Variants in DOCK1 observed in about 807,000 individuals in gnomAD.
DOCK1 encodes the protein dedicator of cytokinesis protein 1.
Under a neutral mutation model 262.7 loss-of-function variants are expected in DOCK1, and 138 were observed. The ratio of observed to expected loss-of-function variants is 0.53; its 90% confidence interval spans 0.46 to 0.61. The LOEUF is 0.61. Ranked by LOEUF, DOCK1 falls within the 20% of genes least tolerant of loss-of-function variation. The pLI, the probability that DOCK1 is intolerant of heterozygous loss-of-function variation, is 0.00. For synonymous variants in DOCK1, 866 were observed against 867.4 expected (o/e 1.00, Z 0.03); for missense variants, 1,908 against 2,370.7 (o/e 0.80, Z 4.05).
At chr10:127,138,952 G>A (rs1316033179) in intron 27 of DOCK1, among the ~76,000 whole-genome samples, 3 of 152,144 alleles carry the variant, frequency 2.0e-5, no homozygotes, top group African/African-American at 2.4e-5. Context: ...TAGGACCCCC[G>A]GTCCATGCAT....
At chr10:127,008,359 A>C (rs2041184940) in intron 10 of DOCK1, among the ~76,000 whole-genome samples, 2 of 152,186 alleles carry the variant, frequency 1.3e-5, no homozygotes, top group Admixed American at 1.3e-4. Flanking sequence ...TGGTCTCCCA[A>C]AGTGCTGGGA....
chr10:127,273,610 G>T (rs1044983497), intron 29 of DOCK1, among the ~76,000 whole-genome samples: 1 of 152,312 alleles, frequency 6.6e-6, no homozygotes. Flanking sequence ...AGCTGGGTGC[G>T]GTGGCTCACA....
At chr10:127,112,178 A>G (rs748302981) in intron 25 of DOCK1, among the ~76,000 whole-genome samples, 17 of 151,902 alleles carry the variant, frequency 1.1e-4, no homozygotes, top group Non-Finnish European at 1.0e-4. Context: ...TGCCTAGCTA[A>G]TTTCTGTATT....
chr10:127,115,369 G>A (rs781484052), intron 25 of DOCK1, among the ~76,000 whole-genome samples: 1 of 152,192 alleles, frequency 6.6e-6, no homozygotes, highest in Non-Finnish European at 1.5e-5. Flanking sequence ...CTCGCCATGT[G>A]ACTTGACTAC....
chr10:127,211,900 C>G (rs1223624289), intron 27 of DOCK1, among the ~76,000 whole-genome samples: 1 of 152,194 alleles, frequency 6.6e-6, no homozygotes, highest in Admixed American at 6.5e-5. Context: ...CAGCCCACTG[C>G]ATGTTCCGAA....
chr10:127,288,098 C>G (rs1369162014), intron 29 of DOCK1, among the ~76,000 whole-genome samples: 1 of 152,146 alleles, frequency 6.6e-6, no homozygotes, highest in Non-Finnish European at 1.5e-5. Context: ...TGGCATCCTC[C>G]AAGGATGACC....
chr10:127,310,434 G>C (rs2062024842), intron 29 of DOCK1, among the ~76,000 whole-genome samples: 1 of 152,174 alleles, frequency 6.6e-6, no homozygotes, highest in African/African-American at 2.4e-5. Context: ...GCATGGCCGG[G>C]CTTTGTCGCT....
chr10:127,150,221 G>C (rs139217876), intron 27 of DOCK1, among the ~76,000 whole-genome samples: 1 of 152,316 alleles, frequency 6.6e-6, no homozygotes, highest in Non-Finnish European at 1.5e-5. Context: ...AACTCACTGG[G>C]TTCTGAACAC....
intron 45 of DOCK1, among the ~76,000 whole-genome samples, chr10:127,419,041 C>T (rs2068336012): frequency 6.6e-6 from 1 of 152,164 alleles, no homozygotes; most frequent in African/African-American, 2.4e-5. Flanking sequence ...TGGAAGAAGG[C>T]CACGCCTGTG....
Position 127,024,795 on chromosome 10 carries a change from A to C in DOCK1, c.1551+12A>C. 1 of 1,586,498 alleles carries C rather than the reference A, an allele frequency of 6.3e-7. No homozygotes were observed. The highest frequency in any genetic ancestry group is 1.1e-5 in the South Asian group (1 of 87,340). ...TTGAGACTGTTAAGGTATTATTTAC[A>C]TGGTCATTTTATCACATGGCGCTGA... On this transcript the variant is annotated intron_variant, in intron 15 of 51. Transcript: ENST00000623213.
rs898265520 is a variant in DOCK1 at position 126,942,116 on chromosome 10, C to T, written c.47-28586C>T. Among the ~76,000 whole-genome samples, 919 of 152,172 alleles carry T rather than the reference C, an allele frequency of 6.0e-3. 5 individuals carry two copies. Among genetic ancestry groups the T allele is most frequent in the Non-Finnish European group, 0.01 (693 of 67,996 alleles). The stretch of plus-strand genomic sequence containing the variant: ...CTCGGCTCACTGCAAGCTCTGCCTC[C>T]CGGTTTCACACCATTCTCCTGCCTC... On this transcript the variant is annotated intron_variant, in intron 1 of 51. Coordinates refer to ENST00000623213, the MANE Select transcript of DOCK1 (RefSeq NM_001290223.2).
At chr10:127,207,403 A>G (rs979489590) in intron 27 of DOCK1, among the ~76,000 whole-genome samples, 8 of 152,340 alleles carry the variant, frequency 5.3e-5, no homozygotes, top group Admixed American at 2.0e-4. Flanking sequence ...CCAGATAAAC[A>G]GTTCAAATTT....
rs561485430 is a variant in DOCK1, at chr10:127,284,983, A to T, written c.3044+27554A>T. Among the ~76,000 whole-genome samples, 33 of 152,190 alleles carry T rather than the reference A, an allele frequency of 2.2e-4. No individual in the cohort carries two copies. The South Asian group carries it at 4.2e-3, about 19-fold the overall frequency. ...CCTTGTCTCTACAAAAAAAAAATTT[A>T]AAAATTAGCTGGGTGAGGTGGTGTG... is the stretch of plus-strand genomic sequence containing the variant. On this transcript the variant is annotated intron_variant, in intron 29 of 51. Transcript: ENST00000623213.
chr10:127,096,579 G>T (rs998848235), intron 23 of DOCK1, among the ~76,000 whole-genome samples: 9 of 151,858 alleles, frequency 5.9e-5, no homozygotes, highest in Non-Finnish European at 1.3e-4. Context: ...CTTATATAAA[G>T]ATATGCTAAT....
Position 127,278,190 on chromosome 10 carries a change from G to T in DOCK1, c.3044+20761G>T, listed in dbSNP as rs183703654. On this transcript the variant is annotated intron_variant, in intron 29 of 51. Coordinates refer to ENST00000623213, the MANE Select transcript of DOCK1 (RefSeq NM_001290223.2). Reference sequence around the variant, plus strand: ...GTATATTCTCACTGGCCAGTGTCCAGTGTAAGCAAATTTGCACATGGCTGT... The same window carrying T: ...GTATATTCTCACTGGCCAGTGTCCATTGTAAGCAAATTTGCACATGGCTGT... Among the ~76,000 whole-genome samples, 315 of 152,216 alleles carry T rather than the reference G, an allele frequency of 2.1e-3. 3 individuals carry two copies. The highest frequency in any genetic ancestry group is 1.1e-3 in the Non-Finnish European group (77 of 68,016).
intron 35 of DOCK1, among the ~76,000 whole-genome samples, chr10:127,378,918 C>T (rs999073600): frequency 1.8e-4 from 27 of 152,162 alleles, no homozygotes; most frequent in Admixed American, 7.2e-4. Context: ...TCTAAATGTG[C>T]CCCCGCTTAT....
At chr10:127,440,770 A>G (rs892535159) in intron 49 of DOCK1, among the ~76,000 whole-genome samples, 1 of 152,240 alleles carries the variant, frequency 6.6e-6, no homozygotes, top group Admixed American at 6.5e-5. Flanking sequence ...CTGTGGCTGC[A>G]GCTGGGCTGG....
chr10:127,139,089 C>T (rs1458918989), intron 27 of DOCK1, among the ~76,000 whole-genome samples: 1 of 152,184 alleles, frequency 6.6e-6, no homozygotes, highest in Non-Finnish European at 1.5e-5. Flanking sequence ...CCTTCCATGT[C>T]TGGTCTGGAT....
intron 1 of DOCK1, among the ~76,000 whole-genome samples, chr10:126,906,183 C>T (rs1166289896): frequency 6.6e-6 from 1 of 152,216 alleles, no homozygotes; most frequent in Non-Finnish European, 1.5e-5. Context: ...TGGCCCCAGG[C>T]CTGGAGACCC....
Sources: allele counts gnomAD v4.1 joint callset (sites outside exome capture counted in the v4.1 genomes callset), GRCh38; gene constraint gnomAD v4.1.1; transcripts MANE v1.5; gene names NCBI Gene and HGNC (gene_info 2026-07-23, HGNC 2026-07-21).